Variants in LUZP2 observed in about 807,000 individuals in gnomAD.
LUZP2 encodes the protein leucine zipper protein 2.
In LUZP2, 52 loss-of-function variants were observed where a neutral mutation model predicts 51.6. That is an observed-to-expected ratio of 1.01 (90% CI 0.81 to 1.27). LUZP2 has a LOEUF of 1.27. Ranked by LOEUF, LUZP2 falls within the 50% of genes most tolerant of loss-of-function variation. The pLI is 0.00. For missense variants in LUZP2, 436 were observed against 395.4 expected (o/e 1.10, Z -0.87); for synonymous variants, 154 against 137.3 (o/e 1.12, Z -0.85).
At chr11:24,618,562 TC>T (rs1337797177) in intron 1 of LUZP2, among the ~76,000 whole-genome samples, 1 of 152,202 alleles carries the variant, frequency 6.6e-6, no homozygotes, top group Non-Finnish European at 1.5e-5. Flanking sequence ...ACAACATGCT[TC>T]TGTTGGAGCT....
chr11:24,692,777 T>A (rs982091307), intron 1 of LUZP2, among the ~76,000 whole-genome samples: 3 of 152,028 alleles, frequency 2.0e-5, no homozygotes, highest in African/African-American at 7.2e-5. Flanking sequence ...AAACTAAGTG[T>A]TACTCTTAAT....
chr11:24,941,070 T>C (rs771416443), intron 7 of LUZP2, among the ~76,000 whole-genome samples: 11 of 152,188 alleles, frequency 7.2e-5, no homozygotes, highest in Non-Finnish European at 1.5e-4. Flanking sequence ...TGCGTTTAGA[T>C]AGAAGAGGCA....
intron 1 of LUZP2, among the ~76,000 whole-genome samples, chr11:24,727,045 T>G (rs1858507465): frequency 7.5e-6 from 1 of 133,178 alleles, no homozygotes; most frequent in African/African-American, 2.7e-5. Flanking sequence ...TACCAGAAAA[T>G]AGAGAGATTT....
chr11:24,876,751 G>C (rs1369994099), intron 5 of LUZP2, among the ~76,000 whole-genome samples: 5 of 151,956 alleles, frequency 3.3e-5, no homozygotes, highest in Non-Finnish European at 1.5e-5. Context: ...TCTTCCATTT[G>C]TTTGTATCCT....
intron 1 of LUZP2, among the ~76,000 whole-genome samples, chr11:24,512,963 G>A (rs1467896620): frequency 2.0e-5 from 3 of 152,080 alleles, no homozygotes; most frequent in Non-Finnish European, 4.4e-5. Context: ...TCACCACGTT[G>A]CCCAGGCTGG....
At chr11:24,741,863 GTATATATATT>G (rs1565110792) in intron 4 of LUZP2, among the ~76,000 whole-genome samples, 296 of 129,668 alleles carry the variant, frequency 2.3e-3, no homozygotes, top group African/African-American at 9.1e-3. Flanking sequence ...ATATATAAAT[GTATATATATT>G]TATAAATATA....
At chr11:24,927,991 T>C (rs1166888056) in intron 7 of LUZP2, among the ~76,000 whole-genome samples, 1 of 152,050 alleles carries the variant, frequency 6.6e-6, no homozygotes, top group East Asian at 1.9e-4. Context: ...TTTATTTTTC[T>C]TGCAGCTATT....
chr11:24,532,456 T>C (rs1003864344), intron 1 of LUZP2, among the ~76,000 whole-genome samples: 47 of 150,940 alleles, frequency 3.1e-4, no homozygotes, highest in Non-Finnish European at 4.8e-4. Context: ...ATTGAAGAAA[T>C]AAATAACTGC....
intron 5 of LUZP2, among the ~76,000 whole-genome samples, chr11:24,779,771 T>G (rs1339295933): frequency 2.0e-5 from 3 of 152,142 alleles, no homozygotes; most frequent in South Asian, 2.1e-4. Context: ...CTGGATAATT[T>G]CAGTAGACCC....
At chr11:25,028,115 G>C (rs370357252) in intron 9 of LUZP2, among the ~76,000 whole-genome samples, 4 of 152,044 alleles carry the variant, frequency 2.6e-5, no homozygotes, top group African/African-American at 9.7e-5. Flanking sequence ...GGTTATACGA[G>C]ACATTTTGAT....
intron 1 of LUZP2, among the ~76,000 whole-genome samples, chr11:24,618,011 G>C (rs1056192829): frequency 2.0e-5 from 3 of 152,238 alleles, no homozygotes; most frequent in Admixed American, 1.3e-4. Flanking sequence ...CTGCCAGATA[G>C]TGGAAGAGGT....
At chr11:24,733,037 C>G (rs1829449012) in intron 3 of LUZP2, among the ~76,000 whole-genome samples, 1 of 151,706 alleles carries the variant, frequency 6.6e-6, no homozygotes, top group African/African-American at 2.4e-5. Flanking sequence ...TCAAAGTTTA[C>G]ACACAAGATA....
At chr11:24,958,217 G>A (rs1249598069) in intron 7 of LUZP2, among the ~76,000 whole-genome samples, 1 of 152,138 alleles carries the variant, frequency 6.6e-6, no homozygotes, top group Non-Finnish European at 1.5e-5. Flanking sequence ...AAACATATGT[G>A]TGCATGTGTC....
chr11:25,015,636 A>AT (rs1857126586), intron 9 of LUZP2, among the ~76,000 whole-genome samples: 3 of 152,056 alleles, frequency 2.0e-5, no homozygotes, highest in Admixed American at 2.0e-4. Context: ...GGAGTTACAG[A>AT]TTTTTGTAAA....
At chr11:24,693,908 C>A (rs908316944) in intron 1 of LUZP2, among the ~76,000 whole-genome samples, 6 of 151,732 alleles carry the variant, frequency 4.0e-5, no homozygotes, top group Admixed American at 2.6e-4. Flanking sequence ...CAGTGTAGAG[C>A]AAACAGATTT....
intron 7 of LUZP2, among the ~76,000 whole-genome samples, chr11:24,974,331 G>A (rs1018255726): frequency 3.9e-5 from 6 of 151,974 alleles, no homozygotes; most frequent in Non-Finnish European, 8.8e-5. Flanking sequence ...GTGTGTCTTT[G>A]CACATGAGAT....
intron 9 of LUZP2, among the ~76,000 whole-genome samples, chr11:25,015,802 GT>G (rs1295163609): frequency 6.6e-6 from 1 of 150,590 alleles, no homozygotes; most frequent in Non-Finnish European, 1.5e-5. Context: ...TTGTCCAATT[GT>G]TTTTCATTTA....
chr11:24,541,055 C>G (rs1234650424), intron 1 of LUZP2, among the ~76,000 whole-genome samples: 1 of 151,900 alleles, frequency 6.6e-6, no homozygotes, highest in East Asian at 1.9e-4. Context: ...GAGTTCAAGA[C>G]CAGCCTGGCC....
At chr11:25,077,849 G>A (rs1859359288) in intron 11 of LUZP2, among the ~76,000 whole-genome samples, 1 of 152,072 alleles carries the variant, frequency 6.6e-6, no homozygotes, top group Admixed American at 6.5e-5. Flanking sequence ...GCAGGATATT[G>A]TACTTGCTAG....
Sources: allele counts gnomAD v4.1 joint callset (sites outside exome capture counted in the v4.1 genomes callset), GRCh38; gene constraint gnomAD v4.1.1; transcripts MANE v1.5; gene names NCBI Gene and HGNC (gene_info 2026-07-23, HGNC 2026-07-21).